Variants in SPEG observed in about 807,000 individuals in gnomAD.
SPEG encodes striated muscle enriched protein kinase, also known as striated muscle preferentially expressed protein kinase.
Under a neutral mutation model 300.4 loss-of-function variants are expected in SPEG, and 114 were observed. That is an observed-to-expected ratio of 0.38 (90% confidence interval 0.33 to 0.44). The LOEUF is 0.44. Among genes scored for constraint, SPEG ranks in the 20% least tolerant of loss-of-function variants. The pLI, the probability that SPEG is intolerant of heterozygous loss-of-function variation, is 1.00. For synonymous variants in SPEG, 1,964 were observed against 2,018.9 expected (o/e 0.97, Z 0.73); for missense variants, 4,201 against 4,586.2 (o/e 0.92, Z 2.43).
At chr2:219,461,228 G>A (rs1306611480) in intron 6 of SPEG, 9 of 986,512 alleles carry the variant, frequency 9.1e-6, no homozygotes, top group Non-Finnish European at 1.1e-5. Context: ...GCCCTTTTTG[G>A]TGGATGACTC....
Position 219,486,680 on chromosome 2 carries a change from C to T in SPEG, c.7741+1203C>T, listed in dbSNP as rs373794747. 1.3e-4 allele frequency among the ~76,000 whole-genome samples: 20 copies of T among 152,284 alleles called. No homozygotes were observed. The South Asian group carries it at 3.9e-3, about 30-fold the overall frequency. On this transcript the variant is annotated intron_variant, in intron 31 of 40. Coordinates refer to ENST00000312358, the MANE Select transcript of SPEG (RefSeq NM_005876.5). The stretch of plus-strand genomic sequence containing the variant: ...CCCTTACCTCATCCGCTCCCCGTTC[C>T]CTGCAGAAACAAGGCTGTCCCAGGC...
Position 219,451,161 on chromosome 2 carries a change from C to G in SPEG, c.2139C>G (p.Ser713=). 1.2e-6 allele frequency: 2 copies of G among 1,613,484 alleles called. No individual in the cohort carries two copies. Among genetic ancestry groups the G allele is most frequent in the Non-Finnish European group, 8.5e-7 (1 of 1,179,774 alleles). Residue 713 remains serine, a synonymous_variant, in exon 5 of 41, where the codon TCC becomes TCG. Coordinates refer to ENST00000312358, the MANE Select transcript of SPEG (RefSeq NM_005876.5). The surrounding 1 kb of genome is among the most constrained non-coding windows in gnomAD (Gnocchi z 6.4). ...ELESSDDSYV[S]AGEEPLEAPV... is the part of the protein sequence containing the mutation. ...AGTCTTCGGATGACTCCTACGTGTCCGCTGGAGAAGAGCCCCTAGAGGCCC... is the reference window on the plus strand; with the variant it reads ...AGTCTTCGGATGACTCCTACGTGTCGGCTGGAGAAGAGCCCCTAGAGGCCC...
intron 34 of SPEG, 40 bp from the exon 35 acceptor site, chr2:219,489,014 C>G: frequency 6.2e-7 from 1 of 1,609,522 alleles, no homozygotes; most frequent in Non-Finnish European, 8.5e-7. Context: ...CTGGGGCCAC[C>G]GCTTCTGTGA....
At position 219,434,971 on chromosome 2, in the gene SPEG, A is replaced by G; in HGVS notation, c.-7A>G. 1 of 1,504,006 alleles carries G rather than the reference A, an allele frequency of 6.6e-7. No individual in the cohort carries two copies. Among genetic ancestry groups the G allele is most frequent in the Non-Finnish European group, 8.8e-7 (1 of 1,134,310 alleles). 93.2% of individuals were successfully genotyped at this position (1,504,006 alleles called of 1,614,324 possible). A position where few individuals can be genotyped will look rare whatever the true frequency, so the allele number is the denominator to read the frequency against. ...CCGGCGTCCCCCCAGCCCAGCTCTC[A>G]GTGGCCATGCAGAAAGCCCGGGGCA... On this transcript the variant is annotated 5_prime_UTR_variant, in exon 1 of 41. Transcript: ENST00000312358.
chr2:219,489,597 C>G lies in SPEG; in HGVS notation c.8579C>G (p.Pro2860Arg), dbSNP rs1444746463. 3.7e-6 allele frequency: 6 copies of G among 1,613,576 alleles called. No homozygotes were observed. Among genetic ancestry groups the G allele is most frequent in the Non-Finnish European group, 5.1e-6 (6 of 1,179,938 alleles). The change falls in exon 36 of 41, where the codon CCC (proline) becomes CGC (arginine). Residue 2860 changes from proline to arginine, a missense_variant. This residue lies in a region of SPEG where 1,578 missense variants were observed against 1,506.0 expected (regional missense o/e 1.05). Coordinates refer to ENST00000312358, the MANE Select transcript of SPEG (RefSeq NM_005876.5). Reference protein sequence around the residue: ...RGLQAARPAEPTLPSTHVTPS... With the variant: ...RGLQAARPAERTLPSTHVTPS... ...CTGCAGGCTGCCCGGCCAGCGGAGC[C>G]CACCCTACCCAGTACCCACGTCACC...
chr2:219,435,806 C>T (rs983133137), intron 1 of SPEG, among the ~76,000 whole-genome samples: 1 of 152,214 alleles, frequency 6.6e-6, no homozygotes, highest in Admixed American at 6.5e-5. Flanking sequence ...CCAGGCTGCA[C>T]TGTTGAAGGG....
intron 36 of SPEG, 54 bp from the exon 37 acceptor site, chr2:219,490,355 A>G: frequency 6.3e-7 from 1 of 1,575,286 alleles, no homozygotes; most frequent in Non-Finnish European, 8.6e-7. Flanking sequence ...CTCACTATGG[A>G]AGTGTCCCCC....
Position 219,479,114 on chromosome 2 carries a change from G to A in SPEG, c.5028-30G>A, listed in dbSNP as rs761365966. ...TGGGCTGGGCCGGGCAGTTGGCACT[G>A]GGCACTGTTCTCCTTGATCTGGGAT... On this transcript the variant is annotated intron_variant, in intron 22 of 40. Coordinates refer to ENST00000312358, the MANE Select transcript of SPEG (RefSeq NM_005876.5). The surrounding 1 kb of genome is among the most constrained non-coding windows in gnomAD (Gnocchi z 5.5). The A allele has an allele frequency of 1.9e-6, 3 of 1,609,604 alleles. No homozygotes were observed. The highest frequency in any genetic ancestry group is 2.2e-5 in the South Asian group (2 of 91,000).
Position 219,435,063 on chromosome 2 carries a change from T to C in SPEG, c.86T>C (p.Val29Ala), listed in dbSNP as rs1209477653. ...SPGVPPKRAK[V>A]GAGGGAPVAV... ...GGAGTGCCCCCGAAAAGGGCCAAGG[T>C]GGGGGCCGGCGGCGGGGCTCCTGTG... Residue 29 changes from valine (V) to alanine (A), a missense_variant, in exon 1 of 41, where the codon GTG becomes GCG. Physicochemically the swap from Val to Ala is moderately conservative, Grantham distance 64. Transcript: ENST00000312358. 4 of 1,475,082 alleles carry C rather than the reference T, an allele frequency of 2.7e-6. No individual in the cohort carries two copies. Among genetic ancestry groups the C allele is most frequent in the Non-Finnish European group, 3.6e-6 (4 of 1,122,618 alleles). The allele number at this position is 1,475,082 out of a possible 1,614,324, so 91.4% of individuals were successfully genotyped here.
In SPEG at chr2:219,443,533, T is replaced by C; in HGVS notation, c.389-1120T>C. On this transcript the variant is annotated intron_variant, in intron 1 of 40. Transcript: ENST00000312358. The surrounding 1 kb of genome is among the most constrained non-coding windows in gnomAD (Gnocchi z 4.6). The stretch of plus-strand genomic sequence containing the variant: ...AAAGTTGAAAATACTCCCAGGAACC[T>C]TTTCTCCTAACCTAACCACTGGGCA... The C allele has an allele frequency of 3.2e-6, 1 of 317,382 alleles. No homozygotes were observed. The highest frequency in any genetic ancestry group is 6.0e-6 in the Non-Finnish European group (1 of 165,580). The allele number at this position is 317,382 out of a possible 1,614,324, so 19.7% of individuals were successfully genotyped here.
intron 6 of SPEG, among the ~76,000 whole-genome samples, chr2:219,454,936 A>G (rs1449863458): frequency 1.3e-5 from 2 of 152,194 alleles, no homozygotes; most frequent in East Asian, 1.9e-4. Context: ...TCTACTAAAA[A>G]TACAAAAATT....
chr2:219,471,067 G>A (rs35936942), intron 13 of SPEG, among the ~76,000 whole-genome samples: 47,571 of 151,834 alleles, frequency 0.31, 7,986 homozygotes, highest in South Asian at 0.44. Context: ...AAGAGCCCCC[G>A]CCCATGAAAA....
chr2:219,490,763 T>G lies in SPEG; in HGVS notation c.9192T>G (p.Thr3064=), dbSNP rs1279851809. 5.1e-5 allele frequency: 82 copies of G among 1,613,930 alleles called. No homozygotes were observed. Among genetic ancestry groups the G allele is most frequent in the Non-Finnish European group, 6.2e-5 (73 of 1,180,006 alleles). ...RFRYSEDDVA[T]YMVQLLQGLD... is the part of the protein sequence containing the mutation. ...GGTATTCTGAGGATGACGTGGCCACTTACATGGTGCAGCTGCTACAAGGCC... is the reference window on the plus strand; with the variant it reads ...GGTATTCTGAGGATGACGTGGCCACGTACATGGTGCAGCTGCTACAAGGCC... Residue 3064 remains threonine, a synonymous_variant, in exon 38 of 41, where the codon ACT becomes ACG. Transcript: ENST00000312358.
In SPEG at chr2:219,484,480, C is replaced by T; in HGVS notation, c.7017C>T (p.Arg2339=). The T allele has an allele frequency of 6.2e-6, 10 of 1,609,628 alleles. No homozygotes were observed. The highest frequency in any genetic ancestry group is 8.5e-6 in the Non-Finnish European group (10 of 1,179,298). The change falls in exon 30 of 41, where the codon CGC becomes CGT. Residue 2339 remains arginine, a synonymous_variant. Coordinates refer to ENST00000312358, the MANE Select transcript of SPEG (RefSeq NM_005876.5). Reference sequence around the variant, plus strand: ...CCGTGTTCGAGGCCAAGTTCAAGCGCAGCCGCGAGTCGCCCCTGTCGCTGG... The same window carrying T: ...CCGTGTTCGAGGCCAAGTTCAAGCGTAGCCGCGAGTCGCCCCTGTCGCTGG... The part of the protein sequence containing the change: ...SEAVFEAKFK[R]SRESPLSLGL...
chr2:219,491,053 T>C, intron 38 of SPEG, 97 bp downstream of exon 38: 1 of 858,818 alleles, frequency 1.2e-6, no homozygotes, highest in South Asian at 1.6e-5. Context: ...GTGCCACTTA[T>C]TGAGTGATTA....
At position 219,493,382 on chromosome 2, in the gene SPEG, C is replaced by T. The variant is rs1304974112; in HGVS notation, c.*596C>T. The T allele has an allele frequency of 2.8e-6, 1 of 360,800 alleles. No individual in the cohort carries two copies. The highest frequency in any genetic ancestry group is 2.1e-5 in the African/African-American group (1 of 46,948). 22.3% of individuals were successfully genotyped at this position (360,800 alleles called of 1,614,324 possible). On this transcript the variant is annotated 3_prime_UTR_variant, in exon 41 of 41. Transcript: ENST00000312358. ...AGAAATGTGGAGAGCTGGAGGCCAGCAGTCACTCACACTCGCTCTGTCCTC... is the reference window on the plus strand; with the variant it reads ...AGAAATGTGGAGAGCTGGAGGCCAGTAGTCACTCACACTCGCTCTGTCCTC...
In SPEG at chr2:219,451,293, C is replaced by T; in HGVS notation, c.2257+14C>T. ...CCCCGCCCCAAGGTGAGCTCCAGCA[C>T]TGGGCCAAGGTGCGGTCGAGGTTGG... On this transcript the variant is annotated intron_variant, in intron 5 of 40. Transcript: ENST00000312358. The surrounding 1 kb of genome is among the most constrained non-coding windows in gnomAD (Gnocchi z 6.4). 3.1e-6 allele frequency: 5 copies of T among 1,599,198 alleles called. No homozygotes were observed. The highest frequency in any genetic ancestry group is 1.3e-5 in the African/African-American group (1 of 74,504).
At position 219,468,696 on chromosome 2, in the gene SPEG, C is replaced by T. The variant is rs753098071; in HGVS notation, c.3261C>T (p.Ile1087=). The T allele has an allele frequency of 2.5e-6, 4 of 1,614,170 alleles. No individual in the cohort carries two copies. The Admixed American group carries it at 6.7e-5, about 27-fold the overall frequency. ...EGRAARFDCK[I]SGTPPPVVTW... ...GAGCTGCCCGTTTCGACTGCAAGAT[C>T]AGTGGCACCCCGCCCCCTGTTGTTA... Residue 1087 remains isoleucine, a synonymous_variant, in exon 11 of 41, where the codon ATC becomes ATT. Coordinates refer to ENST00000312358, the MANE Select transcript of SPEG (RefSeq NM_005876.5).
Position 219,459,934 on chromosome 2 carries a change from C to G in SPEG, c.2441-1948C>G, listed in dbSNP as rs529963269. On this transcript the variant is annotated intron_variant, in intron 6 of 40. Transcript: ENST00000312358. This position sits in a 1 kb window ranked among gnomAD's most constrained non-coding sequence, Gnocchi z 4.9. Reference sequence around the variant, plus strand: ...GGCTTGGGAATGTGGCCCCGGGTTGCGGGGTGAGGTGATAGGAAGAGGGAG... The same window carrying G: ...GGCTTGGGAATGTGGCCCCGGGTTGGGGGGTGAGGTGATAGGAAGAGGGAG... Among the ~76,000 whole-genome samples, 23 of 152,288 alleles carry G rather than the reference C, an allele frequency of 1.5e-4. 2 individuals carry two copies. The highest frequency in any genetic ancestry group is 5.5e-4 in the African/African-American group (23 of 41,558).
Sources: allele counts gnomAD v4.1 joint callset (sites outside exome capture counted in the v4.1 genomes callset), GRCh38; gene constraint gnomAD v4.1.1; regional missense constraint gnomAD v4.1.1; non-coding constraint Gnocchi (gnomAD v3.1); transcripts MANE v1.5; gene names NCBI Gene and HGNC (gene_info 2026-07-23, HGNC 2026-07-21).